Variants in TRAF1 observed in about 807,000 individuals in gnomAD.
TRAF1 encodes TNF receptor associated factor 1, also known as TNF receptor-associated factor 1.
Under a neutral mutation model 40.9 loss-of-function variants are expected in TRAF1, and 23 were observed. That is an observed-to-expected ratio of 0.56 (90% CI 0.40 to 0.80). TRAF1 has a LOEUF of 0.80. TRAF1 is among the 30% of genes least tolerant of loss of function. The pLI is 0.00. For missense variants in TRAF1, 477 were observed against 528.7 expected (o/e 0.90, Z 0.96); for synonymous variants, 206 against 218.8 (o/e 0.94, Z 0.52).
intron 7 of TRAF1, among the ~76,000 whole-genome samples, chr9:120,905,998 C>CT (rs761421259): frequency 8.8e-6 from 1 of 113,762 alleles, no homozygotes; most frequent in Non-Finnish European, 2.2e-5. Context: ...TTGGGAACTG[C>CT]CGGGGGTAGG....
At chr9:120,924,970 C>G (rs1396878309) in intron 2 of TRAF1, among the ~76,000 whole-genome samples, 1 of 152,220 alleles carries the variant, frequency 6.6e-6, no homozygotes, top group East Asian at 1.9e-4. Context: ...ACTACCAGAG[C>G]CTGAGCTGAA....
chr9:120,920,014 G>A (rs755922883), intron 3 of TRAF1, among the ~76,000 whole-genome samples: 5 of 152,166 alleles, frequency 3.3e-5, no homozygotes, highest in Non-Finnish European at 7.4e-5. Flanking sequence ...GGCTATCACC[G>A]CCACCCACCA....
Position 120,909,271 on chromosome 9 carries a change from C to T in TRAF1, c.991G>A (p.Gly331Arg), listed in dbSNP as rs1324848036. Residue 331 changes from glycine to arginine, a missense_variant, in exon 7 of 8, where the codon GGG becomes AGG. Coordinates refer to ENST00000373887, the MANE Select transcript of TRAF1 (RefSeq NM_005658.5). The stretch of plus-strand genomic sequence containing the variant: ...CACGGCAGCAGCGCATCATACTCCC[C>T]TCTCATGATCACGATGAAGAGCGAC... ...HLSLFIVIMR[G>R]EYDALLPWPF... The T allele has an allele frequency of 6.2e-7, 1 of 1,614,190 alleles. No individual in the cohort carries two copies. Among genetic ancestry groups the T allele is most frequent in the Non-Finnish European group, 8.5e-7 (1 of 1,180,036 alleles).
At chr9:120,916,619 C>T (rs768269354) in intron 3 of TRAF1, among the ~76,000 whole-genome samples, 6 of 152,092 alleles carry the variant, frequency 3.9e-5, no homozygotes, top group Non-Finnish European at 8.8e-5. Context: ...AACCAGAGAG[C>T]TGTGGGCTTA....
At chr9:120,911,190 T>C (rs1171726809) in intron 6 of TRAF1, 146 bp downstream of exon 6, 2 of 922,272 alleles carry the variant, frequency 2.2e-6, no homozygotes, top group Admixed American at 2.8e-5. Context: ...GCATGGTTCC[T>C]GCCCATGGTG....
chr9:120,915,122 G>C (rs144134050), intron 3 of TRAF1, among the ~76,000 whole-genome samples: 8 of 152,158 alleles, frequency 5.3e-5, no homozygotes, highest in Admixed American at 4.6e-4. Flanking sequence ...CAGCCCAGGA[G>C]AGATGGGAAA....
chr9:120,925,871 C>A, intron 2 of TRAF1, 65 bp downstream of exon 2: 1 of 1,606,072 alleles, frequency 6.2e-7, no homozygotes, highest in Non-Finnish European at 8.5e-7. Flanking sequence ...TGCCCCTCAC[C>A]TCCCATCAGG....
chr9:120,914,457 A>G, intron 3 of TRAF1, 157 bp from the exon 4 acceptor site: 1 of 1,231,094 alleles, frequency 8.1e-7, no homozygotes. Flanking sequence ...TCCACCCTTT[A>G]AGCTTCCACC....
In TRAF1 at chr9:120,908,765, G is replaced by T. The variant is rs535084584; in HGVS notation, c.1032+465C>A. Among the ~76,000 whole-genome samples the T allele has an allele frequency of 2.0e-5, 3 of 152,214 alleles. No individual in the cohort carries two copies. In the South Asian group the frequency reaches 6.2e-4, roughly 32 times the overall value. ...AGTAGAGACGGGGTCTCACCATGTTGGCCAGGCTGGTCTCAAACTCCTGGT... is the reference window on the plus strand; with the variant it reads ...AGTAGAGACGGGGTCTCACCATGTTTGCCAGGCTGGTCTCAAACTCCTGGT... On this transcript the variant is annotated intron_variant, in intron 7 of 7. Transcript: ENST00000373887.
chr9:120,922,276 A>G (rs903589878), intron 3 of TRAF1, among the ~76,000 whole-genome samples: 5 of 152,218 alleles, frequency 3.3e-5, no homozygotes, highest in African/African-American at 1.2e-4. Context: ...AGAGATTAAC[A>G]AAGAGATTGT....
At chr9:120,906,193 T>TC (rs2046481446) in intron 7 of TRAF1, among the ~76,000 whole-genome samples, 2 of 150,686 alleles carry the variant, frequency 1.3e-5, no homozygotes, top group Non-Finnish European at 3.0e-5. Context: ...TTTTTTTTTT[T>TC]TTTGAGACAG....
At chr9:120,916,491 G>T (rs2046570413) in intron 3 of TRAF1, among the ~76,000 whole-genome samples, 1 of 151,852 alleles carries the variant, frequency 6.6e-6, no homozygotes, top group Non-Finnish European at 1.5e-5. Flanking sequence ...TTTTTTGAGA[G>T]AATAATCTCA....
chr9:120,903,463 T>G lies in TRAF1; in HGVS notation c.*1557A>C, dbSNP rs1412550494. The G allele has an allele frequency of 2.0e-5, 3 of 152,318 alleles. No homozygotes were observed. Among genetic ancestry groups the G allele is most frequent in the Admixed American group, 6.5e-5 (1 of 15,282 alleles). 9.4% of individuals were successfully genotyped at this position (152,318 alleles called of 1,614,324 possible). ...GATGCTCCGTCACCTCCTTTGATCC[T>G]CCTGTATGCTGGGCTGGAGAGAACA... On this transcript the variant is annotated 3_prime_UTR_variant, in exon 8 of 8. Coordinates refer to ENST00000373887, the MANE Select transcript of TRAF1 (RefSeq NM_005658.5).
At chr9:120,922,753 T>C (rs1339924592) in intron 3 of TRAF1, among the ~76,000 whole-genome samples, 1 of 152,216 alleles carries the variant, frequency 6.6e-6, no homozygotes, top group Non-Finnish European at 1.5e-5. Context: ...CTTTTTTATG[T>C]AAAGGGGTGG....
chr9:120,928,347 G>C (rs2046654076), upstream of TRAF1: 1 of 152,336 alleles, frequency 6.6e-6, no homozygotes, highest in African/African-American at 2.4e-5. Context: ...ACAGGCACTT[G>C]GATCTCCAGG....
chr9:120,905,542 C>A (rs542631580), intron 7 of TRAF1, among the ~76,000 whole-genome samples: 1 of 152,336 alleles, frequency 6.6e-6, no homozygotes, highest in African/African-American at 2.4e-5. Flanking sequence ...TCAAGTGTGA[C>A]TGGCTGTTGG....
rs2131614946 is a variant in TRAF1, at chr9:120,904,482, GAA to G, written c.*536_*537del. 2 of 153,886 alleles carry G rather than the reference GAA, an allele frequency of 1.3e-5. No homozygotes were observed. Among genetic ancestry groups the G allele is most frequent in the Admixed American group, 6.4e-5 (1 of 15,548 alleles). 9.5% of individuals were successfully genotyped at this position (153,886 alleles called of 1,614,324 possible). On this transcript the variant is annotated 3_prime_UTR_variant, in exon 8 of 8. Transcript: ENST00000373887. ...AGTCTTCAAATCCAACCCCCAATTT[GAA>G]GTCCTAGTGGAGCCGTCTGGGTTTG... is the stretch of plus-strand genomic sequence containing the variant.
At chr9:120,914,532 T>C in intron 3 of TRAF1, 1 of 1,171,562 alleles carries the variant, frequency 8.5e-7, no homozygotes, top group Non-Finnish European at 1.1e-6. Context: ...GCACTGCTAT[T>C]TCTCCTGTCA....
At chr9:120,925,890 C>T (rs1366145124) in intron 2 of TRAF1, 46 bp downstream of exon 2, 1 of 1,611,884 alleles carries the variant, frequency 6.2e-7, no homozygotes. Flanking sequence ...GGGGTCCCTC[C>T]CTGGCACCCA....
Sources: gnomAD v4.1 joint callset for allele counts (sites outside exome capture counted in the v4.1 genomes callset) on GRCh38, gnomAD v4.1.1 for gene constraint, MANE v1.5 for transcripts, NCBI Gene and HGNC (gene_info 2026-07-23, HGNC 2026-07-21) for gene names.